The following DNMBP variants were observed in gnomAD, a reference collection of about 807,000 sequenced individuals.
DNMBP encodes dynamin binding protein.
A neutral mutation model predicts 150.0 loss-of-function variants in DNMBP; 87 were observed. The ratio of observed to expected loss-of-function variants is 0.58; its 90% CI spans 0.49 to 0.69. The LOEUF is 0.69. DNMBP is among the 30% of genes least tolerant of loss of function. DNMBP has a pLI of 0.00. For missense variants in DNMBP, 1,774 were observed against 1,949.0 expected (o/e 0.91, Z 1.69); for synonymous variants, 711 against 750.4 (o/e 0.95, Z 0.86).
At chr10:99,913,253 C>T (rs1431403393) in intron 4 of DNMBP, among the ~76,000 whole-genome samples, 1 of 152,062 alleles carries the variant, frequency 6.6e-6, no homozygotes. Context: ...AGCTGGGGAG[C>T]CTTGGAAATG....
intron 2 of DNMBP, among the ~76,000 whole-genome samples, chr10:99,970,971 C>CAAAAACAAAAAAAAAAAA: frequency 3.0e-5 from 1 of 33,184 alleles, no homozygotes. Flanking sequence ...GACTCCGTCT[C>CAAAAACAAAAAAAAAAAA]AAAAAAAAAA....
In DNMBP at chr10:99,972,089, G is replaced by A; in HGVS notation, c.36C>T (p.Asp12=). The A allele has an allele frequency of 6.2e-7, 1 of 1,613,816 alleles. No individual in the cohort carries two copies. The highest frequency in any genetic ancestry group is 1.1e-5 in the South Asian group (1 of 91,016). ...GTTCTTCTGATACGCTAGGGCAGAA[G>A]TCAAAAATGGCTCGAACCACTGAGC... ...EAGSVVRAIF[D]FCPSVSEELP... is the part of the protein sequence containing the mutation. Residue 12 remains aspartate (D), a synonymous_variant, in exon 2 of 17, where the codon GAC becomes GAT. Coordinates refer to ENST00000324109, the MANE Select transcript of DNMBP (RefSeq NM_015221.4).
At chr10:99,917,924 G>A (rs572326050) in intron 4 of DNMBP, among the ~76,000 whole-genome samples, 4 of 146,970 alleles carry the variant, frequency 2.7e-5, no homozygotes, top group South Asian at 2.1e-4. Flanking sequence ...AGCCAAGATC[G>A]TGCCACTGCA....
intron 3 of DNMBP, among the ~76,000 whole-genome samples, chr10:99,965,244 A>T (rs1486059281): frequency 1.3e-5 from 2 of 152,152 alleles, no homozygotes; most frequent in Non-Finnish European, 2.9e-5. Flanking sequence ...AAGAAAACTG[A>T]GGCTGAGAGA....
At chr10:99,917,745 C>G (rs2039979364) in intron 4 of DNMBP, among the ~76,000 whole-genome samples, 1 of 151,824 alleles carries the variant, frequency 6.6e-6, no homozygotes, top group Non-Finnish European at 1.5e-5. Context: ...GCGGGTGGAT[C>G]ACGAGGTCAG....
At chr10:99,883,638 CAAAAAAAAAAAAAA>C (rs71009782) in intron 15 of DNMBP, among the ~76,000 whole-genome samples, 3 of 65,586 alleles carry the variant, frequency 4.6e-5, no homozygotes, top group Admixed American at 2.1e-4. Flanking sequence ...AAGACTGCCA[CAAAAAAAAAAAAAA>C]AAAAAAAAAA....
intron 6 of DNMBP, among the ~76,000 whole-genome samples, chr10:99,902,663 CA>C (rs2039762680): frequency 6.7e-6 from 1 of 150,184 alleles, no homozygotes; most frequent in Non-Finnish European, 1.5e-5. Flanking sequence ...CGTAGTGGCT[CA>C]AGCCTGTAAT....
rs764699029 is a variant in DNMBP, at chr10:99,886,650, G to C, written c.3286-18C>G. 6.2e-7 allele frequency: 1 copy of C among 1,600,528 alleles called. No individual in the cohort carries two copies. The highest frequency in any genetic ancestry group is 1.7e-5 in the Admixed American group (1 of 59,012). ...CTCTCCTTCTGTAGGGACGAGAAAGGCACATTGCTCAGCTGGACAGCATCC... is the reference window on the plus strand; with the variant it reads ...CTCTCCTTCTGTAGGGACGAGAAAGCCACATTGCTCAGCTGGACAGCATCC... On this transcript the variant is annotated intron_variant, in intron 12 of 16. Transcript: ENST00000324109.
At chr10:99,959,455 C>A (rs755334313) in intron 3 of DNMBP, among the ~76,000 whole-genome samples, 1 of 151,940 alleles carries the variant, frequency 6.6e-6, no homozygotes, top group Non-Finnish European at 1.5e-5. Context: ...TACTTGCACT[C>A]CAGCCTGGGC....
At chr10:99,990,460 G>A (rs1158728696) in intron 1 of DNMBP, among the ~76,000 whole-genome samples, 1 of 151,848 alleles carries the variant, frequency 6.6e-6, no homozygotes, top group African/African-American at 2.4e-5. Context: ...GCTGAGGTGG[G>A]AGGATGGCTT....
chr10:99,930,404 A>G (rs1320911458), intron 4 of DNMBP: 2 of 702,830 alleles, frequency 2.8e-6, no homozygotes, highest in East Asian at 2.7e-5. Flanking sequence ...GGCTTCTCGT[A>G]GGTGAATTAT....
chr10:99,961,958 GA>G (rs1416961217), intron 3 of DNMBP, among the ~76,000 whole-genome samples: 1 of 149,230 alleles, frequency 6.7e-6, no homozygotes, highest in Non-Finnish European at 1.5e-5. Context: ...TATGATATGA[GA>G]CCCTATTCCA....
chr10:99,879,090 A>AAAAAAAAAAAAAAC (rs1319954748), intron 16 of DNMBP, among the ~76,000 whole-genome samples: 1 of 150,044 alleles, frequency 6.7e-6, no homozygotes, highest in African/African-American at 2.5e-5. Flanking sequence ...GTCTCAAAAA[A>AAAAAAAAAAAAAAC]AAAAAAAAAA....
intron 1 of DNMBP, among the ~76,000 whole-genome samples, chr10:100,001,233 TAAAAAAAAAAAAAAAAAA>T (rs71009800): frequency 5.5e-4 from 12 of 21,730 alleles, no homozygotes; most frequent in South Asian, 3.5e-3. Flanking sequence ...TCCGTCTCAT[TAAAAAAAAAAAAAAAAAA>T]AAAAAAAAAA....
chr10:99,913,980 G>C, intron 4 of DNMBP: 1 of 1,480,112 alleles, frequency 6.8e-7, no homozygotes. Flanking sequence ...GGCTGTGTGT[G>C]GAGGTGTGGG....
intron 11 of DNMBP, among the ~76,000 whole-genome samples, chr10:99,890,256 T>C (rs150528506): frequency 6.8e-4 from 103 of 152,340 alleles, no homozygotes; most frequent in African/African-American, 2.3e-3. Context: ...TATGCCAATG[T>C]AGATACCAAA....
At chr10:99,895,811 G>A (rs1261870625) in intron 10 of DNMBP, among the ~76,000 whole-genome samples, 1 of 152,180 alleles carries the variant, frequency 6.6e-6, no homozygotes, top group Non-Finnish European at 1.5e-5. Flanking sequence ...CTATTTTCTG[G>A]CTTATATTTT....
intron 1 of DNMBP, among the ~76,000 whole-genome samples, chr10:99,988,917 C>T (rs2040856951): frequency 6.6e-6 from 1 of 152,208 alleles, no homozygotes; most frequent in African/African-American, 2.4e-5. Flanking sequence ...CTGCCTCGGC[C>T]TCCCAAAAGT....
intron 4 of DNMBP, among the ~76,000 whole-genome samples, chr10:99,950,873 A>T (rs568534499): frequency 6.6e-6 from 1 of 152,304 alleles, no homozygotes; most frequent in Admixed American, 6.5e-5. Context: ...GAAGAGAAAA[A>T]CCAGCTGCAG....
Sources: allele counts gnomAD v4.1 joint callset (sites outside exome capture counted in the v4.1 genomes callset), GRCh38; gene constraint gnomAD v4.1.1; transcripts MANE v1.5; gene names NCBI Gene and HGNC (gene_info 2026-07-23, HGNC 2026-07-21).